Variants in RICTOR observed in about 807,000 individuals in gnomAD.
RICTOR encodes the protein RPTOR independent companion of MTOR complex 2.
A neutral mutation model predicts 214.9 loss-of-function variants in RICTOR; 49 were observed. The ratio of observed to expected loss-of-function variants is 0.23; its 90% CI spans 0.18 to 0.29. The LOEUF is 0.29. Among genes scored for constraint, RICTOR ranks in the 10% least tolerant of loss-of-function variants. The probability of loss-of-function intolerance (pLI) is 1.00; values close to 1 mark genes in which losing one functional copy is unlikely to be tolerated. For missense variants in RICTOR, 1,625 were observed against 2,047.0 expected (o/e 0.79, Z 3.98); for synonymous variants, 717 against 711.3 (o/e 1.01, Z -0.13).
At chr5:39,054,368 G>C (rs972832308) in intron 2 of RICTOR, among the ~76,000 whole-genome samples, 3 of 152,100 alleles carry the variant, frequency 2.0e-5, no homozygotes, top group Non-Finnish European at 4.4e-5. Flanking sequence ...TGAATAAGGG[G>C]AAAGATTGAC....
At chr5:39,015,149 A>G (rs1386535891) in intron 3 of RICTOR, among the ~76,000 whole-genome samples, 3 of 152,150 alleles carry the variant, frequency 2.0e-5, no homozygotes, top group African/African-American at 4.8e-5. Context: ...ATATCTATCA[A>G]ATAATGGAAA....
chr5:38,965,251 T>A (rs567616972), intron 15 of RICTOR, among the ~76,000 whole-genome samples: 1 of 152,146 alleles, frequency 6.6e-6, no homozygotes, highest in Non-Finnish European at 1.5e-5. Flanking sequence ...TAAAATAACA[T>A]TTAAAATGCT....
intron 2 of RICTOR, among the ~76,000 whole-genome samples, chr5:39,064,148 T>C (rs1758742526): frequency 6.6e-6 from 1 of 152,198 alleles, no homozygotes. Flanking sequence ...TTATTTTCAA[T>C]TTACTTTTAT....
Position 38,978,656 on chromosome 5 carries a change from T to TAAA in RICTOR, c.754-9_754-7dup. 3.5e-6 allele frequency: 4 copies of TAAA among 1,146,516 alleles called. No individual in the cohort carries two copies. Among genetic ancestry groups the TAAA allele is most frequent in the Admixed American group, 2.3e-5 (1 of 43,438 alleles). 71.0% of individuals were successfully genotyped at this position (1,146,516 alleles called of 1,614,324 possible). ...GTATAGGGTGCTAAAATTCTCTATT[T>TAAA]AAAAAAAAAAAGGAAGAAAAGAGTC... On this transcript the variant is annotated splice_polypyrimidine_tract_variant and splice_region_variant and intron_variant, in intron 8 of 37. Transcript: ENST00000357387.
At chr5:38,967,016 G>C (rs1372401088) in intron 14 of RICTOR, 145 bp downstream of exon 14, 1 of 707,406 alleles carries the variant, frequency 1.4e-6, no homozygotes, top group Non-Finnish European at 2.5e-6. Flanking sequence ...GGTCAGGCTG[G>C]TCTCGAACTC....
At chr5:38,968,888 A>G (rs1472172782) in intron 11 of RICTOR, among the ~76,000 whole-genome samples, 1 of 151,396 alleles carries the variant, frequency 6.6e-6, no homozygotes, top group African/African-American at 2.4e-5. Context: ...CATACAAGGT[A>G]TGGAGGTGGA....
intron 7 of RICTOR, among the ~76,000 whole-genome samples, chr5:38,985,613 T>C (rs1752102685): frequency 6.6e-6 from 1 of 152,194 alleles, no homozygotes; most frequent in African/African-American, 2.4e-5. Flanking sequence ...TTCCTTCCAA[T>C]GATCAGATAA....
chr5:39,023,709 C>T (rs1012960661), intron 2 of RICTOR, among the ~76,000 whole-genome samples: 2 of 152,132 alleles, frequency 1.3e-5, no homozygotes, highest in African/African-American at 2.4e-5. Context: ...TAGTGTTTTC[C>T]TCATCAAATG....
Position 38,953,532 on chromosome 5 carries a change from G to T in RICTOR, c.2719C>A (p.Arg907Ser), listed in dbSNP as rs146765449. ...TCCAAATCTGGTGTACGAACATTAC[G>T]ACAGAGTTCTGTAATAATATTCTGG... The part of the protein sequence containing the change: ...EVQNIITELC[R>S]NVRTPDLDKW... Residue 907 changes from arginine to serine, a missense_variant, in exon 28 of 38, where the codon CGT (arginine) becomes AGT (serine). This residue lies in a region of RICTOR where 1,214 missense variants were observed against 1,470.5 expected (regional missense o/e 0.83). Coordinates refer to ENST00000357387, the MANE Select transcript of RICTOR (RefSeq NM_152756.5). 1.4e-6 allele frequency: 2 copies of T among 1,411,020 alleles called. No homozygotes were observed. Among genetic ancestry groups the T allele is most frequent in the South Asian group, 1.6e-5 (1 of 63,226 alleles). 87.4% of individuals were successfully genotyped at this position (1,411,020 alleles called of 1,614,324 possible).
At position 39,063,958 on chromosome 5, in the gene RICTOR, A is replaced by G. The variant is rs535640956; in HGVS notation, c.97+10153T>C. Among the ~76,000 whole-genome samples, 64 of 152,304 alleles carry G rather than the reference A, an allele frequency of 4.2e-4. 1 individual carries two copies. The South Asian group carries it at 9.3e-3, about 22-fold the overall frequency. ...TAACAGGATATGTTTAAAGCATTAG[A>G]ATATCCTCAATTTTATATTTTATAT... On this transcript the variant is annotated intron_variant, in intron 2 of 37. Transcript: ENST00000357387.
At position 38,973,948 on chromosome 5, in the gene RICTOR, G is replaced by C. The variant is rs770548595; in HGVS notation, c.889+1589C>G. ...ACTACAGAATATAAATATTATTTAG[G>C]AAGTTATTTCCACGAGACAAATGCT... On this transcript the variant is annotated intron_variant, in intron 10 of 37. Coordinates refer to ENST00000357387, the MANE Select transcript of RICTOR (RefSeq NM_152756.5). Among the ~76,000 whole-genome samples, 82 of 152,082 alleles carry C rather than the reference G, an allele frequency of 5.4e-4. 1 individual carries two copies. Among genetic ancestry groups the C allele is most frequent in the South Asian group, 1.2e-3 (6 of 4,818 alleles).
At chr5:38,967,887 T>G (rs893149380) in intron 12 of RICTOR, 56 bp downstream of exon 12, 1 of 854,864 alleles carries the variant, frequency 1.2e-6, no homozygotes, top group African/African-American at 1.7e-5. Flanking sequence ...AGGAACTGTC[T>G]CCATTAAATA....
chr5:38,973,224 T>C (rs1285542363), intron 10 of RICTOR, among the ~76,000 whole-genome samples: 2 of 152,236 alleles, frequency 1.3e-5, no homozygotes, highest in African/African-American at 4.8e-5. Flanking sequence ...CATCAAACAG[T>C]AGACTAATGA....
chr5:38,960,560 AG>A lies in RICTOR; in HGVS notation c.1716-28del, dbSNP rs750286553. Reference sequence around the variant, plus strand: ...TAAAATCAAAACACAAGTAGCAAAAAGGTAAGAAATGAAGCAATTATTTTAG... The same window carrying A: ...TAAAATCAAAACACAAGTAGCAAAAAGTAAGAAATGAAGCAATTATTTTAG... On this transcript the variant is annotated intron_variant, in intron 19 of 37. Transcript: ENST00000357387. The A allele has an allele frequency of 1.2e-4, 185 of 1,607,080 alleles. 3 individuals are homozygous for A. In the East Asian group the frequency reaches 1.6e-3, roughly 14 times the overall value.
chr5:38,959,667 TTAAAA>T, intron 21 of RICTOR, 107 bp downstream of exon 21: 1 of 678,818 alleles, frequency 1.5e-6, no homozygotes, highest in Non-Finnish European at 2.5e-6. Context: ...TAATGCTAAT[TTAAAA>T]TAAAACTTAA....
intron 2 of RICTOR, among the ~76,000 whole-genome samples, chr5:39,057,019 G>T (rs1167775869): frequency 2.6e-5 from 4 of 152,132 alleles, no homozygotes; most frequent in African/African-American, 9.7e-5. Context: ...CCACCTTCCA[G>T]TATGTAATAC....
At position 38,945,070 on chromosome 5, in the gene RICTOR, T is replaced by C. The variant is rs1168702779; in HGVS notation, c.4634-2A>G. The C allele has an allele frequency of 5.1e-6, 8 of 1,583,674 alleles. No individual in the cohort carries two copies. Among genetic ancestry groups the C allele is most frequent in the African/African-American group, 1.4e-5 (1 of 73,628 alleles). ...CAGAATATGGAATATCTTGAAAGTC[T>C]GAAGAAAAAAATAATTATTTCAATT... On this transcript the variant is annotated splice_acceptor_variant, in intron 34 of 37. Coordinates refer to ENST00000357387, the MANE Select transcript of RICTOR (RefSeq NM_152756.5). LOFTEE classifies it high-confidence loss of function.
chr5:38,953,563 G>GAAAA lies in RICTOR; in HGVS notation c.2698-14_2698-11dup. The GAAAA allele has an allele frequency of 5.7e-6, 4 of 700,796 alleles. No homozygotes were observed. Among genetic ancestry groups the GAAAA allele is most frequent in the East Asian group, 3.3e-5 (1 of 30,582 alleles). 43.4% of individuals were successfully genotyped at this position (700,796 alleles called of 1,614,324 possible). ...GTTCTGTAATAATATTCTGGAGAAA[G>GAAAA]AAAAAAAAATACCATGAGTAATAAT... is the stretch of plus-strand genomic sequence containing the variant. On this transcript the variant is annotated splice_polypyrimidine_tract_variant and intron_variant, in intron 27 of 37. Transcript: ENST00000357387.
intron 10 of RICTOR, among the ~76,000 whole-genome samples, chr5:38,974,990 G>A (rs1579967482): frequency 6.6e-6 from 1 of 152,108 alleles, no homozygotes; most frequent in East Asian, 1.9e-4. Context: ...TGCGGTTTTT[G>A]CCATTACTCT....
Sources: allele counts gnomAD v4.1 joint callset (sites outside exome capture counted in the v4.1 genomes callset), GRCh38; gene constraint gnomAD v4.1.1; regional missense constraint gnomAD v4.1.1; transcripts MANE v1.5; gene names NCBI Gene and HGNC (gene_info 2026-07-23, HGNC 2026-07-21).